RB1: variants seen among roughly 807,000 people sequenced by gnomAD.
The protein encoded by RB1 is RB transcriptional corepressor 1, also known as retinoblastoma-associated protein.
In RB1, 18 loss-of-function variants were observed where a neutral mutation model predicts 135.4. The observed-to-expected ratio is 0.13, with a 90% CI of 0.09 to 0.20. The LOEUF (loss-of-function observed/expected upper bound fraction) is 0.20, where lower values mean the gene tolerates loss of function less well. Ranked by LOEUF, RB1 falls within the 10% of genes least tolerant of loss-of-function variation. RB1 has a pLI of 1.00. For missense variants in RB1, 868 were observed against 1,110.0 expected (o/e 0.78, Z 3.10); for synonymous variants, 365 against 373.2 (o/e 0.98, Z 0.25).
At chr13:48,464,435 T>C (rs1478996016) in intron 21 of RB1, among the ~76,000 whole-genome samples, 1 of 152,218 alleles carries the variant, frequency 6.6e-6, no homozygotes, top group Admixed American at 6.5e-5. Flanking sequence ...ATTGTATATA[T>C]CAGAGGCATC....
Position 48,367,080 on chromosome 13 carries a change from C to T in RB1, c.940-414C>T, listed in dbSNP as rs139056250. Among the ~76,000 whole-genome samples, 811 of 133,146 alleles carry T rather than the reference C, an allele frequency of 6.1e-3. 14 individuals carry two copies. Among genetic ancestry groups the T allele is most frequent in the African/African-American group, 0.022 (771 of 35,640 alleles). 87.3% of individuals were successfully genotyped at this position (133,146 alleles called of 152,430 possible). ...GTGGCAGTGAGCCGAGATTGTGCCA[C>T]TGCACTCCAGCCTGGGCGAAAGAGC... is the stretch of plus-strand genomic sequence containing the variant. On this transcript the variant is annotated intron_variant, in intron 9 of 26. Coordinates refer to ENST00000267163, the MANE Select transcript of RB1 (RefSeq NM_000321.3).
At chr13:48,335,796 A>T (rs1246739439) in intron 2 of RB1, among the ~76,000 whole-genome samples, 1 of 152,052 alleles carries the variant, frequency 6.6e-6, no homozygotes, top group Non-Finnish European at 1.5e-5. Context: ...TAGGTTGCAA[A>T]TTGTTGTTGG....
chr13:48,317,220 C>A (rs1039287620), intron 2 of RB1: 2 of 430,258 alleles, frequency 4.6e-6, no homozygotes, highest in African/African-American at 2.0e-5. Flanking sequence ...TGCCTGCCCC[C>A]CTGGGAGACA....
chr13:48,364,910 T>G lies in RB1; in HGVS notation c.878T>G (p.Phe293Cys). The change falls in exon 9 of 27, where the codon TTC becomes TGC. Residue 293 changes from phenylalanine (F) to cysteine (C), a missense_variant. Phe to Cys is a radical substitution (Grantham distance 205). Transcript: ENST00000267163. ...CNIDEVKNVY[F>C]KNFIPFMNSL... Reference sequence around the variant, plus strand: ...CTTTTTCAGGTGAAAAATGTTTATTTCAAAAATTTTATACCTTTTATGAAT... The same window carrying G: ...CTTTTTCAGGTGAAAAATGTTTATTGCAAAAATTTTATACCTTTTATGAAT... 6.4e-7 allele frequency: 1 copy of G among 1,559,778 alleles called. No individual in the cohort carries two copies. Among genetic ancestry groups the G allele is most frequent in the South Asian group, 1.2e-5 (1 of 85,198 alleles).
intron 17 of RB1, among the ~76,000 whole-genome samples, chr13:48,449,769 A>C (rs1949314596): frequency 6.6e-6 from 1 of 152,184 alleles, no homozygotes; most frequent in African/African-American, 2.4e-5. Context: ...CTTTTAAAAT[A>C]AGTCAGTTTA....
At chr13:48,361,782 A>AT (rs1424645200) in intron 7 of RB1, among the ~76,000 whole-genome samples, 1 of 151,672 alleles carries the variant, frequency 6.6e-6, no homozygotes, top group African/African-American at 2.4e-5. Flanking sequence ...CTTGTAATTT[A>AT]TTTTTTAAAT....
chr13:48,322,782 T>C lies in RB1; in HGVS notation c.264+15376T>C, dbSNP rs151166568. On this transcript the variant is annotated intron_variant, in intron 2 of 26. Coordinates refer to ENST00000267163, the MANE Select transcript of RB1 (RefSeq NM_000321.3). ...TTCTGCTTCTATTGATATAATAATG[T>C]AGTTCTTGTTCTTTATTGAAATGGT... 2.6e-3 allele frequency among the ~76,000 whole-genome samples: 395 copies of C among 152,322 alleles called. 1 individual carries two copies. Among genetic ancestry groups the C allele is most frequent in the African/African-American group, 9.0e-3 (376 of 41,588 alleles).
intron 17 of RB1, among the ~76,000 whole-genome samples, chr13:48,388,452 G>A (rs1422789362): frequency 6.6e-6 from 1 of 152,152 alleles, no homozygotes; most frequent in African/African-American, 2.4e-5. Flanking sequence ...CATAAAAAAT[G>A]CCACCCTTTT....
At chr13:48,403,279 G>C (rs112381466) in intron 17 of RB1, among the ~76,000 whole-genome samples, 3 of 152,092 alleles carry the variant, frequency 2.0e-5, no homozygotes, top group African/African-American at 7.2e-5. Flanking sequence ...TCAGTGTATC[G>C]GAAGAGCAGA....
chr13:48,368,413 T>C (rs1053497571), intron 10 of RB1, 114 bp from the exon 11 acceptor site: 88 of 1,363,974 alleles, frequency 6.5e-5, no homozygotes, highest in Non-Finnish European at 1.8e-5. Context: ...TATTATTGAG[T>C]TATCATTTTA....
chr13:48,371,791 G>A (rs2138128070), intron 11 of RB1, among the ~76,000 whole-genome samples: 1 of 152,146 alleles, frequency 6.6e-6, no homozygotes, highest in African/African-American at 2.4e-5. Context: ...CTAGAGCAGG[G>A]GTCCCCAATT....
At position 48,332,431 on chromosome 13, in the gene RB1, C is replaced by T. The variant is rs867019129; in HGVS notation, c.265-10168C>T. 9.2e-5 allele frequency among the ~76,000 whole-genome samples: 14 copies of T among 152,128 alleles called. No individual in the cohort carries two copies. In the South Asian group the frequency reaches 2.1e-3, roughly 23 times the overall value. ...GAAAAATTAAAAAAAATTTTACAGG[C>T]GGTGACATGTACTTGTAGTCCCAGC... is the stretch of plus-strand genomic sequence containing the variant. On this transcript the variant is annotated intron_variant, in intron 2 of 26. Coordinates refer to ENST00000267163, the MANE Select transcript of RB1 (RefSeq NM_000321.3).
At chr13:48,318,954 A>T in intron 2 of RB1, 1 of 912,262 alleles carries the variant, frequency 1.1e-6, no homozygotes, top group Non-Finnish European at 1.8e-6. Flanking sequence ...AGGGAGTAGA[A>T]GCGTGGGCTT....
chr13:48,411,362 G>A, intron 17 of RB1: 2 of 1,567,948 alleles, frequency 1.3e-6, no homozygotes, highest in Non-Finnish European at 1.8e-6. Flanking sequence ...TGAAAGTTCT[G>A]TCCCAGTGAG....
intron 17 of RB1, among the ~76,000 whole-genome samples, chr13:48,389,215 G>A (rs1948593823): frequency 6.6e-6 from 1 of 151,786 alleles, no homozygotes; most frequent in Non-Finnish European, 1.5e-5. Context: ...AGGAAAAGGA[G>A]AGAGAGAACA....
intron 23 of RB1, among the ~76,000 whole-genome samples, chr13:48,472,072 A>G (rs1280914429): frequency 1.3e-5 from 2 of 152,176 alleles, no homozygotes; most frequent in South Asian, 2.1e-4. Context: ...GAAGTGCTTC[A>G]GTTGACTAAT....
intron 6 of RB1, among the ~76,000 whole-genome samples, chr13:48,358,820 A>C (rs1952614042): frequency 1.3e-5 from 2 of 152,152 alleles, no homozygotes; most frequent in African/African-American, 4.8e-5. Flanking sequence ...ATACCTAATA[A>C]AATGAAAGCA....
rs115108608 is a variant in RB1, at chr13:48,364,879, C to A, written c.862-15C>A. On this transcript the variant is annotated splice_polypyrimidine_tract_variant and intron_variant, in intron 8 of 26. Transcript: ENST00000267163. Reference sequence around the variant, plus strand: ...TTAAATTTTAATGATCATGTTGTAACTTCATCTTTTTCAGGTGAAAAATGT... The same window carrying A: ...TTAAATTTTAATGATCATGTTGTAAATTCATCTTTTTCAGGTGAAAAATGT... 7.3e-4 allele frequency: 1,135 copies of A among 1,548,890 alleles called. 3 individuals carry two copies. The African/African-American group carries it at 0.014, about 19-fold the overall frequency.
intron 17 of RB1, among the ~76,000 whole-genome samples, chr13:48,414,047 A>G (rs1009787818): frequency 1.3e-5 from 2 of 152,204 alleles, no homozygotes; most frequent in African/African-American, 2.4e-5. Flanking sequence ...GTTTATATTT[A>G]AAGTATACTC....
Sources: allele counts gnomAD v4.1 joint callset (sites outside exome capture counted in the v4.1 genomes callset), GRCh38; gene constraint gnomAD v4.1.1; transcripts MANE v1.5; gene names NCBI Gene and HGNC (gene_info 2026-07-23, HGNC 2026-07-21).